GM2A: variants seen among roughly 807,000 people sequenced by gnomAD.
GM2A encodes the protein GM2 ganglioside activator.
A neutral mutation model predicts 12.9 loss-of-function variants in GM2A; 7 were observed. The observed-to-expected ratio is 0.54, with a 90% confidence interval of 0.31 to 1.02. GM2A has a LOEUF of 1.02. GM2A is among the 50% of genes least tolerant of loss of function. The pLI is 0.05. For missense variants in GM2A, 246 were observed against 241.0 expected (o/e 1.02, Z -0.14); for synonymous variants, 101 against 96.0 (o/e 1.05, Z -0.30).
At chr5:151,264,129 T>C (rs1162840341) in intron 2 of GM2A, among the ~76,000 whole-genome samples, 2 of 152,214 alleles carry the variant, frequency 1.3e-5, no homozygotes, top group East Asian at 3.8e-4. Flanking sequence ...TTGTCATATG[T>C]ACTTATTCCA....
At chr5:151,267,064 C>T (rs948832902) in intron 3 of GM2A, 151 bp downstream of exon 3, 2 of 844,570 alleles carry the variant, frequency 2.4e-6, no homozygotes, top group African/African-American at 3.3e-5. Flanking sequence ...CTTCCGGGAG[C>T]CTCAGTTATC....
Position 151,270,190 on chromosome 5 carries a change from A to T in GM2A, c.*2739A>T. On this transcript the variant is annotated 3_prime_UTR_variant, in exon 4 of 4. Coordinates refer to ENST00000357164, the MANE Select transcript of GM2A (RefSeq NM_000405.5). ...AATAAATGGTGCTGAGCCAACTGGA[A>T]AGCCCCTTGGAGAAAGTTGAAGTTA... The T allele has an allele frequency of 9.6e-7, 1 of 1,044,070 alleles. No homozygotes were observed. Among genetic ancestry groups the T allele is most frequent in the Non-Finnish European group, 1.2e-6 (1 of 816,466 alleles). 64.7% of individuals were successfully genotyped at this position (1,044,070 alleles called of 1,614,324 possible). A position where few individuals can be genotyped will look rare whatever the true frequency, so the allele number is the denominator to read the frequency against.
rs1366350927 is a variant in GM2A at position 151,268,940 on chromosome 5, G to A, written c.*1489G>A. On this transcript the variant is annotated 3_prime_UTR_variant, in exon 4 of 4. Coordinates refer to ENST00000357164, the MANE Select transcript of GM2A (RefSeq NM_000405.5). ...CAAAGCCATAGTGTCCGGTCCCAAGGACAAGGCTCTTCCAGTGCTAGGAGA... is the reference window on the plus strand; with the variant it reads ...CAAAGCCATAGTGTCCGGTCCCAAGAACAAGGCTCTTCCAGTGCTAGGAGA... 1.0e-6 allele frequency: 1 copy of A among 985,290 alleles called. No individual in the cohort carries two copies. Among genetic ancestry groups the A allele is most frequent in the African/African-American group, 1.7e-5 (1 of 57,220 alleles). The allele number at this position is 985,290 out of a possible 1,614,324, so 61.0% of individuals were successfully genotyped here.
chr5:151,266,094 A>G (rs948394343), intron 2 of GM2A, among the ~76,000 whole-genome samples: 1 of 152,246 alleles, frequency 6.6e-6, no homozygotes, highest in African/African-American at 2.4e-5. Context: ...CCAGGAAACA[A>G]TGCCACAGTT....
At position 151,267,550 on chromosome 5, in the gene GM2A, T is replaced by C; in HGVS notation, c.*99T>C. ...CAAACTCCCACTCTCTGCCCCCCTT[T>C]AATCCCCTTTCTACAGTGAGTCCAC... is the stretch of plus-strand genomic sequence containing the variant. On this transcript the variant is annotated 3_prime_UTR_variant, in exon 4 of 4. Transcript: ENST00000357164. 1 of 1,576,404 alleles carries C rather than the reference T, an allele frequency of 6.3e-7. No individual in the cohort carries two copies. Among genetic ancestry groups the C allele is most frequent in the Non-Finnish European group, 8.6e-7 (1 of 1,162,890 alleles).
At chr5:151,266,586 A>G in intron 2 of GM2A, 145 bp from the exon 3 acceptor site, 3 of 687,752 alleles carry the variant, frequency 4.4e-6, no homozygotes, top group East Asian at 2.7e-5. Context: ...TTCCTAGAAC[A>G]GACTATCTCT....
intron 2 of GM2A, among the ~76,000 whole-genome samples, chr5:151,266,212 C>T (rs78890385): frequency 0.013 from 1,979 of 152,254 alleles, 36 homozygotes; most frequent in African/African-American, 0.042. Context: ...AGCATGATGG[C>T]TCACGCCTGT....
chr5:151,268,019 G>T lies in GM2A; in HGVS notation c.*568G>T. On this transcript the variant is annotated 3_prime_UTR_variant, in exon 4 of 4. Coordinates refer to ENST00000357164, the MANE Select transcript of GM2A (RefSeq NM_000405.5). ...TGTATCCTGGAGAGGTAGGGTGTGT[G>T]GGGGAGGAATCCCTTGGGGGAGATA... The T allele has an allele frequency of 9.5e-7, 1 of 1,050,152 alleles. No individual in the cohort carries two copies. The highest frequency in any genetic ancestry group is 1.2e-6 in the Non-Finnish European group (1 of 869,460). The allele number at this position is 1,050,152 out of a possible 1,614,324, so 65.1% of individuals were successfully genotyped here. A position where few individuals can be genotyped will look rare whatever the true frequency, so the allele number is the denominator to read the frequency against.
At chr5:151,253,745 A>G (rs1423559987) in intron 1 of GM2A, among the ~76,000 whole-genome samples, 3 of 152,114 alleles carry the variant, frequency 2.0e-5, no homozygotes, top group African/African-American at 7.2e-5. Flanking sequence ...TCCAGGCCAG[A>G]GGATCCAGAT....
Position 151,253,200 on chromosome 5 carries a change from C to T in GM2A, c.-17C>T. On this transcript the variant is annotated 5_prime_UTR_variant, in exon 1 of 4. Coordinates refer to ENST00000357164, the MANE Select transcript of GM2A (RefSeq NM_000405.5). The stretch of plus-strand genomic sequence containing the variant: ...CACAGACCTTGCAGTTAACTCCGCC[C>T]TGACCCACCCTTCCCGATGCAGTCC... 1 of 1,608,180 alleles carries T rather than the reference C, an allele frequency of 6.2e-7. No individual in the cohort carries two copies.
At chr5:151,261,178 C>T (rs748546379) in intron 2 of GM2A, among the ~76,000 whole-genome samples, 1 of 152,112 alleles carries the variant, frequency 6.6e-6, no homozygotes, top group Non-Finnish European at 1.5e-5. Context: ...GTTCATGTCA[C>T]CATGCTTACC....
chr5:151,260,811 A>T (rs924221845), intron 2 of GM2A, among the ~76,000 whole-genome samples: 1 of 152,214 alleles, frequency 6.6e-6, no homozygotes, highest in Non-Finnish European at 1.5e-5. Flanking sequence ...CCAGTAATCT[A>T]AATCCTAGAG....
intron 2 of GM2A, 146 bp from the exon 3 acceptor site, chr5:151,266,585 C>G (rs1753889931): frequency 1.5e-6 from 1 of 684,934 alleles, no homozygotes; most frequent in East Asian, 2.7e-5. Context: ...ATTCCTAGAA[C>G]AGACTATCTC....
At position 151,266,729 on chromosome 5, in the gene GM2A, A is replaced by G; in HGVS notation, c.244-2A>G. 1 of 1,611,788 alleles carries G rather than the reference A, an allele frequency of 6.2e-7. No individual in the cohort carries two copies. The highest frequency in any genetic ancestry group is 1.1e-5 in the South Asian group (1 of 91,064). On this transcript the variant is annotated splice_acceptor_variant, in intron 2 of 3. Transcript: ENST00000357164. LOFTEE classifies it high-confidence loss of function. Reference sequence around the variant, plus strand: ...AACCTTTGTTTTATTTTTTTTTACCAGGTGGATTTAGTTTTGGAGAAGGAG... The same window carrying G: ...AACCTTTGTTTTATTTTTTTTTACCGGGTGGATTTAGTTTTGGAGAAGGAG...
intron 2 of GM2A, among the ~76,000 whole-genome samples, chr5:151,264,212 C>T (rs1450797587): frequency 6.6e-6 from 1 of 152,268 alleles, no homozygotes. Flanking sequence ...TTACTCCACC[C>T]TGCTTCCTTT....
At chr5:151,265,110 C>T (rs1427195913) in intron 2 of GM2A, among the ~76,000 whole-genome samples, 4 of 152,014 alleles carry the variant, frequency 2.6e-5, no homozygotes, top group East Asian at 3.9e-4. Context: ...TCCTAGGCAG[C>T]GGGGTAGAAG....
Position 151,266,773 on chromosome 5 carries a change from A to G in GM2A, c.286A>G (p.Lys96Glu), listed in dbSNP as rs764348335. ...LEKEVAGLWI[K>E]IPCTDYIGSC... ...GAAGGAGGTGGCTGGCCTCTGGATC[A>G]AGATCCCATGCACAGACTACATTGG... The change falls in exon 3 of 4, where the codon AAG (lysine) becomes GAG (glutamate). Residue 96 changes from lysine (K) to glutamate (E), a missense_variant. By Grantham distance (56) the Lys-to-Glu change is moderately conservative. Transcript: ENST00000357164. The G allele has an allele frequency of 2.5e-6, 4 of 1,613,826 alleles. No individual in the cohort carries two copies. Among genetic ancestry groups the G allele is most frequent in the African/African-American group, 2.7e-5 (2 of 74,928 alleles).
In GM2A at chr5:151,266,805, T is replaced by C; in HGVS notation, c.318T>C (p.Cys106=). The change falls in exon 3 of 4, where the codon TGT becomes TGC. Residue 106 remains cysteine (C), a synonymous_variant. Coordinates refer to ENST00000357164, the MANE Select transcript of GM2A (RefSeq NM_000405.5). ...KIPCTDYIGS[C]TFEHFCDVLD... ...CATGCACAGACTACATTGGCAGCTG[T>C]ACCTTTGAACACTTCTGTGATGTGC... 1 of 1,613,800 alleles carries C rather than the reference T, an allele frequency of 6.2e-7. No homozygotes were observed. Among genetic ancestry groups the C allele is most frequent in the Non-Finnish European group, 8.5e-7 (1 of 1,179,654 alleles).
intron 2 of GM2A, among the ~76,000 whole-genome samples, chr5:151,262,967 T>G (rs763329974): frequency 7.9e-5 from 12 of 152,192 alleles, no homozygotes; most frequent in Non-Finnish European, 1.8e-4. Flanking sequence ...CTATTCTCCT[T>G]TTCCATTGCT....
Sources: allele counts gnomAD v4.1 joint callset (sites outside exome capture counted in the v4.1 genomes callset), GRCh38; gene constraint gnomAD v4.1.1; transcripts MANE v1.5; gene names NCBI Gene and HGNC (gene_info 2026-07-23, HGNC 2026-07-21).